The following HPSE2 variants were observed in gnomAD, a reference collection of about 807,000 sequenced individuals.
The protein encoded by HPSE2 is heparanase 2 (inactive).
In HPSE2, 38 loss-of-function variants were observed where a neutral mutation model predicts 60.5. The ratio of observed to expected loss-of-function variants is 0.63; its 90% CI spans 0.48 to 0.82. The LOEUF is 0.82. HPSE2 is among the 40% of genes least tolerant of loss of function. HPSE2 has a pLI of 0.00. For synonymous variants in HPSE2, 295 were observed against 293.2 expected, an observed-to-expected ratio of 1.01 and a Z score of -0.06; for missense variants, 713 against 740.4, an observed-to-expected ratio of 0.96 and a Z score of 0.43.
chr10:98,892,004 C>G (rs1012349997), intron 3 of HPSE2, among the ~76,000 whole-genome samples: 2 of 152,092 alleles, frequency 1.3e-5, no homozygotes, highest in South Asian at 2.1e-4. Flanking sequence ...CTCCTGGGCT[C>G]AAGTGATCTG....
chr10:98,525,300 T>C (rs941153182), intron 9 of HPSE2, among the ~76,000 whole-genome samples: 1 of 152,242 alleles, frequency 6.6e-6, no homozygotes, highest in Non-Finnish European at 1.5e-5. Context: ...CATGAGCCAC[T>C]GCGCTGGGCC....
At chr10:98,664,449 C>T (rs1420284476) in intron 6 of HPSE2, among the ~76,000 whole-genome samples, 1 of 152,142 alleles carries the variant, frequency 6.6e-6, no homozygotes, top group African/African-American at 2.4e-5. Context: ...GAGGCAGCGC[C>T]ATGGCTCAGA....
At chr10:98,594,611 C>A (rs1945180512) in intron 9 of HPSE2, among the ~76,000 whole-genome samples, 1 of 152,018 alleles carries the variant, frequency 6.6e-6, no homozygotes, top group Non-Finnish European at 1.5e-5. Flanking sequence ...CAAGTTTATC[C>A]ATGTTGTCTC....
chr10:98,889,842 G>T (rs1002477556), intron 3 of HPSE2, among the ~76,000 whole-genome samples: 1 of 151,984 alleles, frequency 6.6e-6, no homozygotes, highest in African/African-American at 2.4e-5. Flanking sequence ...ACGGAGGATG[G>T]GGGGGATGCA....
intron 3 of HPSE2, among the ~76,000 whole-genome samples, chr10:98,960,232 G>A (rs1226307486): frequency 6.6e-6 from 1 of 152,062 alleles, no homozygotes; most frequent in Non-Finnish European, 1.5e-5. Context: ...TGCCATGCTA[G>A]TATGTCATTA....
At chr10:99,284,931 C>T in the HPSE2 span, among the ~76,000 whole-genome samples, 1 of 152,062 alleles carries the variant, frequency 6.6e-6, no homozygotes, top group African/African-American at 2.4e-5. Context: ...AAAAACACCC[C>T]TACAGAGTGG....
chr10:98,578,990 A>G (rs1944715926), intron 9 of HPSE2, among the ~76,000 whole-genome samples: 1 of 152,238 alleles, frequency 6.6e-6, no homozygotes, highest in Admixed American at 6.5e-5. Flanking sequence ...TAGATAAGAT[A>G]TTGTGAAATT....
chr10:98,733,589 G>A (rs184567968), intron 4 of HPSE2, among the ~76,000 whole-genome samples: 174 of 152,192 alleles, frequency 1.1e-3, no homozygotes, highest in Admixed American at 1.8e-3. Flanking sequence ...AGCAAATCAC[G>A]TCACCTCTTT....
chr10:98,752,453 C>G (rs1949780640), intron 3 of HPSE2, among the ~76,000 whole-genome samples: 1 of 152,094 alleles, frequency 6.6e-6, no homozygotes, highest in Non-Finnish European at 1.5e-5. Flanking sequence ...GATCTTGTCC[C>G]AGCAGTAAAT....
At chr10:99,251,862 CAAAAAA>C in the HPSE2 span, among the ~76,000 whole-genome samples, 9 of 57,264 alleles carry the variant, frequency 1.6e-4, no homozygotes, top group African/African-American at 3.8e-4. Flanking sequence ...CTCTCTCTAC[CAAAAAA>C]AAAAAAAAAA....
intron 4 of HPSE2, among the ~76,000 whole-genome samples, chr10:98,724,730 T>C (rs1949024388): frequency 6.6e-6 from 1 of 152,178 alleles, no homozygotes; most frequent in Admixed American, 6.6e-5. Context: ...ATGGCCTTCT[T>C]TGTCTCTTTT....
chr10:98,851,315 C>T (rs1281205557), intron 3 of HPSE2, among the ~76,000 whole-genome samples: 1 of 152,190 alleles, frequency 6.6e-6, no homozygotes, highest in African/African-American at 2.4e-5. Context: ...GCTGTGGATG[C>T]TGCTATTTCT....
intron 3 of HPSE2, among the ~76,000 whole-genome samples, chr10:99,034,905 A>G (rs182933341): frequency 7.9e-5 from 12 of 152,310 alleles, no homozygotes; most frequent in Non-Finnish European, 1.6e-4. Flanking sequence ...AATATGGTAT[A>G]AAAGATTTTT....
chr10:98,473,945 T>G (rs1940893805), intron 11 of HPSE2, among the ~76,000 whole-genome samples: 1 of 152,218 alleles, frequency 6.6e-6, no homozygotes. Flanking sequence ...CTTTGAAATT[T>G]TACCTTTATA....
chr10:98,577,565 C>T (rs545020661), intron 9 of HPSE2, among the ~76,000 whole-genome samples: 1 of 152,282 alleles, frequency 6.6e-6, no homozygotes, highest in South Asian at 2.1e-4. Flanking sequence ...CCCATTTTGT[C>T]CTTGCTCTTC....
At chr10:99,056,072 GA>G (rs1431428192) in intron 3 of HPSE2, among the ~76,000 whole-genome samples, 1 of 151,652 alleles carries the variant, frequency 6.6e-6, no homozygotes, top group African/African-American at 2.4e-5. Flanking sequence ...CAAGAATAAG[GA>G]AAAAGACTTT....
At chr10:99,156,516 T>A (rs1194383342) in intron 2 of HPSE2, among the ~76,000 whole-genome samples, 1 of 131,058 alleles carries the variant, frequency 7.6e-6, no homozygotes, top group South Asian at 2.8e-4. Context: ...ATTATCTCAA[T>A]AGATGCAGAA....
chr10:98,587,424 T>C (rs1385616778), intron 9 of HPSE2, among the ~76,000 whole-genome samples: 1 of 152,172 alleles, frequency 6.6e-6, no homozygotes, highest in Non-Finnish European at 1.5e-5. Flanking sequence ...GAACAGTTGC[T>C]CAGGAAACAG....
chr10:99,101,071 C>A (rs1437491916), intron 3 of HPSE2, among the ~76,000 whole-genome samples: 1 of 152,204 alleles, frequency 6.6e-6, no homozygotes, highest in Non-Finnish European at 1.5e-5. Flanking sequence ...TAGGAAGCAA[C>A]TGCATCAACT....
Sources: gnomAD v4.1 joint callset for allele counts (sites outside exome capture counted in the v4.1 genomes callset) on GRCh38, gnomAD v4.1.1 for gene constraint, MANE v1.5 for transcripts, NCBI Gene and HGNC (gene_info 2026-07-23, HGNC 2026-07-21) for gene names.